LEPR: variants seen among roughly 807,000 people sequenced by gnomAD.
LEPR encodes leptin receptor.
LEPR carries 56 observed loss-of-function variants against 114.7 expected under a neutral mutation model. The ratio of observed to expected loss-of-function variants is 0.49; its 90% CI spans 0.39 to 0.61. The LOEUF is 0.61. LEPR is among the 20% of genes least tolerant of loss of function. The pLI is 0.00. For synonymous variants in LEPR, 443 were observed against 461.4 expected (o/e 0.96, Z 0.51); for missense variants, 1,202 against 1,352.9 (o/e 0.89, Z 1.75).
chr1:65,485,017 A>C (rs1188092718), intron 2 of LEPR, among the ~76,000 whole-genome samples: 3 of 152,202 alleles, frequency 2.0e-5, no homozygotes, highest in Non-Finnish European at 4.4e-5. Context: ...ATGCAGACAG[A>C]AGCCGGATAG....
At position 65,596,940 on chromosome 1, in the gene LEPR, A is replaced by C. The variant is rs145403352; in HGVS notation, c.849+347A>C. Among the ~76,000 whole-genome samples, 72 of 152,112 alleles carry C rather than the reference A, an allele frequency of 4.7e-4. 1 individual carries two copies. The East Asian group carries it at 0.012, about 25-fold the overall frequency. On this transcript the variant is annotated intron_variant, in intron 7 of 19. Coordinates refer to ENST00000349533, the MANE Select transcript of LEPR (RefSeq NM_002303.6). ...GGCTAATCATTAGTCGAGCTTCTGA[A>C]TCTTCTGCTAGCCCGATCTGTGCAC...
intron 14 of LEPR, among the ~76,000 whole-genome samples, chr1:65,613,863 A>G (rs1657363240): frequency 6.6e-6 from 1 of 152,010 alleles, no homozygotes; most frequent in Non-Finnish European, 1.5e-5. Context: ...AACATCATTC[A>G]TCACTAAAGA....
At chr1:65,553,147 C>T (rs554002274) in intron 2 of LEPR, among the ~76,000 whole-genome samples, 6 of 152,272 alleles carry the variant, frequency 3.9e-5, no homozygotes, top group South Asian at 2.1e-4. Flanking sequence ...CTGCCCTTGA[C>T]GTTTTTTCCT....
rs1056295408 is a variant in LEPR at position 65,637,610 on chromosome 1, G to A, written c.*595G>A. 1 of 152,242 alleles carries A rather than the reference G, an allele frequency of 6.6e-6. No homozygotes were observed. Among genetic ancestry groups the A allele is most frequent in the African/African-American group, 2.4e-5 (1 of 41,438 alleles). The allele number at this position is 152,242 out of a possible 1,614,324, so 9.4% of individuals were successfully genotyped here. ...GCAAGAATGGTGATGCCCACAATCA[G>A]TATTTTGATGACAACACAAGCACTT... On this transcript the variant is annotated 3_prime_UTR_variant, in exon 20 of 20. Transcript: ENST00000349533.
intron 2 of LEPR, chr1:65,428,057 T>C (rs1350454851): frequency 1.9e-5 from 3 of 154,906 alleles, no homozygotes; most frequent in Non-Finnish European, 2.9e-5. Context: ...TTTGCATTGC[T>C]CTGCCAATTA....
intron 17 of LEPR, 99 bp from the exon 18 acceptor site, chr1:65,621,250 GATTT>G (rs1201639987): frequency 2.1e-5 from 19 of 920,080 alleles, no homozygotes; most frequent in Non-Finnish European, 3.1e-5. Flanking sequence ...GGTAATAAGA[GATTT>G]GTGATGAATT....
intron 2 of LEPR, among the ~76,000 whole-genome samples, chr1:65,467,822 C>A (rs1647034246): frequency 6.6e-6 from 1 of 152,218 alleles, no homozygotes; most frequent in Non-Finnish European, 1.5e-5. Flanking sequence ...AGCAAGGCTC[C>A]ATGGGTGTGG....
intron 2 of LEPR, among the ~76,000 whole-genome samples, chr1:65,466,144 G>A (rs1363378839): frequency 6.6e-6 from 1 of 152,158 alleles, no homozygotes; most frequent in Non-Finnish European, 1.5e-5. Flanking sequence ...CATTTGGCAT[G>A]TTTTCATAGT....
intron 2 of LEPR, among the ~76,000 whole-genome samples, chr1:65,510,300 G>A (rs1648965531): frequency 6.6e-6 from 1 of 152,202 alleles, no homozygotes; most frequent in Non-Finnish European, 1.5e-5. Flanking sequence ...TCTATAGGGT[G>A]CAAGTGGCAA....
intron 6 of LEPR, 90 bp downstream of exon 6, chr1:65,592,955 A>G (rs1655808553): frequency 7.1e-7 from 1 of 1,409,726 alleles, no homozygotes; most frequent in Non-Finnish European, 9.8e-7. Flanking sequence ...TTGCTAGCTT[A>G]TCTCACTTTG....
intron 2 of LEPR, among the ~76,000 whole-genome samples, chr1:65,446,570 A>G (rs960676525): frequency 6.6e-6 from 1 of 152,136 alleles, no homozygotes; most frequent in Admixed American, 6.5e-5. Context: ...TAATCTTTCT[A>G]TCTTCAGTAA....
intron 2 of LEPR, chr1:65,433,671 A>G (rs1389989857): frequency 2.0e-6 from 2 of 984,274 alleles, no homozygotes; most frequent in African/African-American, 3.5e-5. Flanking sequence ...CTGTGTACAT[A>G]TAGAATTGTT....
At chr1:65,550,872 C>T (rs1652278494) in intron 2 of LEPR, among the ~76,000 whole-genome samples, 1 of 152,040 alleles carries the variant, frequency 6.6e-6, no homozygotes, top group Non-Finnish European at 1.5e-5. Context: ...GAACCCGGTA[C>T]CTCAGATGGA....
At chr1:65,613,279 G>C (rs12082739) in intron 14 of LEPR, among the ~76,000 whole-genome samples, 6,833 of 152,136 alleles carry the variant, frequency 0.045, 534 homozygotes, top group African/African-American at 0.16. Context: ...CCCCGTCATT[G>C]TGGGGTTTTT....
chr1:65,604,666 G>A (rs528804651), intron 10 of LEPR, among the ~76,000 whole-genome samples: 131 of 152,310 alleles, frequency 8.6e-4, no homozygotes, highest in African/African-American at 3.1e-3. Flanking sequence ...GCCACGGACC[G>A]GTACCTGTCT....
At chr1:65,441,726 A>G (rs978589226) in intron 2 of LEPR, among the ~76,000 whole-genome samples, 2 of 152,232 alleles carry the variant, frequency 1.3e-5, no homozygotes, top group Non-Finnish European at 2.9e-5. Context: ...GAAGAAATCC[A>G]GGGAAAAGGT....
At chr1:65,449,516 T>C (rs1000267849) in intron 2 of LEPR, among the ~76,000 whole-genome samples, 1 of 152,010 alleles carries the variant, frequency 6.6e-6, no homozygotes, top group Non-Finnish European at 1.5e-5. Context: ...ATCAGAGGAC[T>C]CGAACACCAG....
chr1:65,628,688 C>G (rs1312905383), intron 19 of LEPR, among the ~76,000 whole-genome samples: 1 of 151,948 alleles, frequency 6.6e-6, no homozygotes, highest in Non-Finnish European at 1.5e-5. Context: ...TCATTTATTC[C>G]TCTACTGGTG....
At chr1:65,521,720 A>G (rs1649643533) in intron 2 of LEPR, among the ~76,000 whole-genome samples, 1 of 152,212 alleles carries the variant, frequency 6.6e-6, no homozygotes, top group East Asian at 1.9e-4. Flanking sequence ...ACAAGTTGTA[A>G]ATTGTTTTTC....
Sources: gnomAD v4.1 joint callset for allele counts (sites outside exome capture counted in the v4.1 genomes callset) on GRCh38, gnomAD v4.1.1 for gene constraint, MANE v1.5 for transcripts, NCBI Gene and HGNC (gene_info 2026-07-23, HGNC 2026-07-21) for gene names.